The following NEO1 variants were observed in gnomAD, a reference collection of about 807,000 sequenced individuals.
NEO1 encodes neogenin 1.
NEO1 carries 63 observed loss-of-function variants against 159.7 expected under a neutral mutation model. That is an observed-to-expected ratio of 0.39 (90% CI 0.32 to 0.49). NEO1 has a LOEUF of 0.49. Among genes scored for constraint, NEO1 ranks in the 20% least tolerant of loss-of-function variants. The pLI is 0.85. For missense variants in NEO1, 1,615 were observed against 1,831.0 expected, an observed-to-expected ratio of 0.88 and a Z score of 2.15; for synonymous variants, 633 against 662.0, an observed-to-expected ratio of 0.96 and a Z score of 0.67.
chr15:73,298,384 C>A lies in NEO1; in HGVS notation c.3938C>A (p.Pro1313Gln), dbSNP rs778004976. 1.2e-6 allele frequency: 2 copies of A among 1,614,068 alleles called. No homozygotes were observed. Among genetic ancestry groups the A allele is most frequent in the Non-Finnish European group, 1.7e-6 (2 of 1,180,036 alleles). Reference protein sequence around the residue: ...VRNTPSTDTMPASSSQTCCTD... With the variant: ...VRNTPSTDTMQASSSQTCCTD... ...AATACCCCCAGCACTGACACCATGC[C>A]AGCCTCTTCGTCTCAAACATGCTGC... The change falls in exon 27 of 29, where the codon CCA (proline) becomes CAA (glutamine). Residue 1313 changes from proline (P) to glutamine (Q), a missense_variant. By Grantham distance (76) the Pro-to-Gln change is moderately conservative. This residue lies in a region of NEO1 where 471 missense variants were observed against 498.9 expected (regional missense o/e 0.94). Coordinates refer to ENST00000261908, the MANE Select transcript of NEO1 (RefSeq NM_002499.4).
chr15:73,201,136 C>A (rs1190893357), intron 7 of NEO1, among the ~76,000 whole-genome samples: 1 of 151,624 alleles, frequency 6.6e-6, no homozygotes, highest in Non-Finnish European at 1.5e-5. Context: ...CTTTTAATTT[C>A]ATTTTATTTT....
At chr15:73,169,865 A>G (rs1217110973) in intron 5 of NEO1, among the ~76,000 whole-genome samples, 2 of 151,916 alleles carry the variant, frequency 1.3e-5, no homozygotes, top group Non-Finnish European at 2.9e-5. Flanking sequence ...TTGGGGACAA[A>G]TTGTGGGTGT....
chr15:73,280,923 G>A (rs1348447191), intron 22 of NEO1, among the ~76,000 whole-genome samples: 1 of 151,838 alleles, frequency 6.6e-6, no homozygotes, highest in Non-Finnish European at 1.5e-5. Flanking sequence ...ACATAAATTT[G>A]GGCCGGGCGC....
chr15:73,129,515 C>T (rs1228505404), intron 4 of NEO1, among the ~76,000 whole-genome samples: 1 of 151,990 alleles, frequency 6.6e-6, no homozygotes, highest in Non-Finnish European at 1.5e-5. Context: ...AAAAATTGAT[C>T]TATATATTTA....
chr15:73,068,227 C>CA (rs2068328686), intron 1 of NEO1, among the ~76,000 whole-genome samples: 5 of 109,816 alleles, frequency 4.6e-5, no homozygotes, highest in Admixed American at 3.1e-4. Context: ...CCCCCTACCC[C>CA]CCCCCCTTTT....
intron 7 of NEO1, among the ~76,000 whole-genome samples, chr15:73,230,861 G>T (rs1402682681): frequency 6.6e-6 from 1 of 152,068 alleles, no homozygotes; most frequent in Non-Finnish European, 1.5e-5. Flanking sequence ...AAAGTGCTGG[G>T]TTTATATAGG....
chr15:73,258,699 G>C (rs1596503107), intron 13 of NEO1, 67 bp from the exon 14 acceptor site: 4 of 1,325,804 alleles, frequency 3.0e-6, no homozygotes, highest in East Asian at 4.6e-5. Flanking sequence ...GCCTTAATGA[G>C]GGATTATTAA....
At chr15:73,139,136 A>T (rs1006021848) in intron 5 of NEO1, among the ~76,000 whole-genome samples, 1 of 152,234 alleles carries the variant, frequency 6.6e-6, no homozygotes, top group African/African-American at 2.4e-5. Context: ...TATCTCATAT[A>T]TGTAAATCAC....
intron 5 of NEO1, among the ~76,000 whole-genome samples, chr15:73,156,661 T>TA (rs1437002929): frequency 5.9e-5 from 9 of 152,226 alleles, no homozygotes; most frequent in Admixed American, 3.9e-4. Flanking sequence ...AATAGCCAGC[T>TA]ATATTGTCAA....
At chr15:73,249,857 T>G in intron 11 of NEO1, 136 bp downstream of exon 11, 1 of 1,013,442 alleles carries the variant, frequency 9.9e-7, no homozygotes, top group Non-Finnish European at 1.4e-6. Flanking sequence ...ATGACTTTAG[T>G]CAAGTCTGAA....
chr15:73,069,722 G>T (rs2068443937), intron 1 of NEO1, among the ~76,000 whole-genome samples: 1 of 151,936 alleles, frequency 6.6e-6, no homozygotes, highest in Non-Finnish European at 1.5e-5. Flanking sequence ...ATTTACCCAT[G>T]TTACACATAT....
At chr15:73,155,170 G>T (rs2033687379) in intron 5 of NEO1, among the ~76,000 whole-genome samples, 1 of 152,002 alleles carries the variant, frequency 6.6e-6, no homozygotes, top group South Asian at 2.1e-4. Context: ...CTCCATTTAT[G>T]AATCTTAATC....
intron 7 of NEO1, among the ~76,000 whole-genome samples, chr15:73,202,020 A>G (rs1445710889): frequency 8.1e-5 from 11 of 136,534 alleles, no homozygotes; most frequent in Non-Finnish European, 6.1e-5. Context: ...CTGGAGTGCA[A>G]TGGTGCAATC....
At chr15:73,142,205 C>G (rs1450779234) in intron 5 of NEO1, among the ~76,000 whole-genome samples, 1 of 151,992 alleles carries the variant, frequency 6.6e-6, no homozygotes, top group Non-Finnish European at 1.5e-5. Flanking sequence ...GTTCACTACA[C>G]AGGACATCAA....
At chr15:73,154,011 A>G (rs2033582718) in intron 5 of NEO1, among the ~76,000 whole-genome samples, 2 of 152,210 alleles carry the variant, frequency 1.3e-5, no homozygotes, top group Non-Finnish European at 2.9e-5. Context: ...TATAATTTAT[A>G]CTGTGTCACA....
At chr15:73,245,611 G>A (rs2039749051) in intron 9 of NEO1, among the ~76,000 whole-genome samples, 1 of 147,036 alleles carries the variant, frequency 6.8e-6, no homozygotes, top group East Asian at 2.0e-4. Flanking sequence ...GTCTCGCTCT[G>A]TCGCCCAGGC....
intron 5 of NEO1, among the ~76,000 whole-genome samples, chr15:73,169,331 A>G (rs1157070995): frequency 6.6e-6 from 1 of 152,150 alleles, no homozygotes; most frequent in African/African-American, 2.4e-5. Context: ...TTGAAGCTTA[A>G]TTATCTCTTT....
intron 5 of NEO1, among the ~76,000 whole-genome samples, chr15:73,139,205 G>GA (rs1305371879): frequency 6.6e-6 from 1 of 152,042 alleles, no homozygotes; most frequent in Non-Finnish European, 1.5e-5. Flanking sequence ...CATAAGACCT[G>GA]AACTGTAAAA....
At position 73,270,336 on chromosome 15, in the gene NEO1, G is replaced by A. The variant is rs1455038629; in HGVS notation, c.2739G>A (p.Leu913=). 8 of 1,614,036 alleles carry A rather than the reference G, an allele frequency of 5.0e-6. No homozygotes were observed. The highest frequency in any genetic ancestry group is 6.8e-6 in the Non-Finnish European group (8 of 1,180,022). Residue 913 remains leucine, a synonymous_variant, in exon 18 of 29, where the codon TTG becomes TTA. Transcript: ENST00000261908. ...TKYKNANATT[L]SYLVTGLKPN... Reference sequence around the variant, plus strand: ...TTCAGAATGCAAATGCAACCACTTTGAGTTATTTGGTGACTGGTTTAAAGC... The same window carrying A: ...TTCAGAATGCAAATGCAACCACTTTAAGTTATTTGGTGACTGGTTTAAAGC...
Sources: allele counts gnomAD v4.1 joint callset (sites outside exome capture counted in the v4.1 genomes callset), GRCh38; gene constraint gnomAD v4.1.1; regional missense constraint gnomAD v4.1.1; transcripts MANE v1.5; gene names NCBI Gene and HGNC (gene_info 2026-07-23, HGNC 2026-07-21).